The following CNTNAP2 variants were observed in gnomAD, a reference collection of about 807,000 sequenced individuals.
The protein encoded by CNTNAP2 is contactin-associated protein-like 2.
Under a neutral mutation model 155.2 loss-of-function variants are expected in CNTNAP2, and 98 were observed. That is an observed-to-expected ratio of 0.63 (90% CI 0.54 to 0.75). The LOEUF is 0.75. CNTNAP2 is among the 30% of genes least tolerant of loss of function. CNTNAP2 has a pLI of 0.00. For missense variants in CNTNAP2, 1,727 were observed against 1,688.1 expected, an observed-to-expected ratio of 1.02 and a Z score of -0.40; for synonymous variants, 651 against 631.2, an observed-to-expected ratio of 1.03 and a Z score of -0.47.
At chr7:146,437,325 C>G (rs1313129662) in intron 1 of CNTNAP2, among the ~76,000 whole-genome samples, 7 of 151,322 alleles carry the variant, frequency 4.6e-5, no homozygotes, top group African/African-American at 7.4e-5. Flanking sequence ...TTCTAAACGA[C>G]AAAACTACTA....
intron 1 of CNTNAP2, among the ~76,000 whole-genome samples, chr7:146,686,452 C>T (rs1279931168): frequency 6.6e-5 from 10 of 152,004 alleles, no homozygotes; most frequent in African/African-American, 2.4e-4. Context: ...CTCCAGTTAC[C>T]AACAAATATT....
chr7:148,181,519 A>G (rs1795037541), intron 18 of CNTNAP2, among the ~76,000 whole-genome samples: 1 of 152,138 alleles, frequency 6.6e-6, no homozygotes, highest in South Asian at 2.1e-4. Context: ...TTGTTATAGA[A>G]TTTTGTGGTG....
At chr7:146,716,382 C>CAAAA (rs1563201029) in intron 1 of CNTNAP2, among the ~76,000 whole-genome samples, 2,466 of 151,860 alleles carry the variant, frequency 0.016, 71 homozygotes, top group African/African-American at 0.056. Context: ...TAAAAAAACT[C>CAAAA]AAAACAAAAC....
At chr7:147,225,032 T>C (rs1157581112) in intron 8 of CNTNAP2, among the ~76,000 whole-genome samples, 4 of 152,192 alleles carry the variant, frequency 2.6e-5, no homozygotes, top group Admixed American at 2.6e-4. Context: ...GCGTAGAACA[T>C]TTGATAAAGA....
At position 147,130,144 on chromosome 7, in the gene CNTNAP2, T is replaced by C. The variant is rs1286790577; in HGVS notation, c.1083+1308T>C. On this transcript the variant is annotated intron_variant, in intron 7 of 23. Coordinates refer to ENST00000361727, the MANE Select transcript of CNTNAP2 (RefSeq NM_014141.6). ...AAGATAGATGTATAGCCTGGTATAGTGGGTTGCTGCTGTAATCCCAACACT... is the reference window on the plus strand; with the variant it reads ...AAGATAGATGTATAGCCTGGTATAGCGGGTTGCTGCTGTAATCCCAACACT... 2.6e-5 allele frequency among the ~76,000 whole-genome samples: 4 copies of C among 152,110 alleles called. No homozygotes were observed. In the East Asian group the frequency reaches 7.7e-4, roughly 29 times the overall value.
At chr7:146,782,721 C>T (rs191589124) in intron 2 of CNTNAP2, among the ~76,000 whole-genome samples, 113 of 152,184 alleles carry the variant, frequency 7.4e-4, no homozygotes, top group African/African-American at 2.6e-3. Flanking sequence ...AAAATAAAAT[C>T]AGTTATACTG....
chr7:147,771,915 T>C (rs1422485990), intron 13 of CNTNAP2, among the ~76,000 whole-genome samples: 3 of 152,180 alleles, frequency 2.0e-5, no homozygotes, highest in East Asian at 3.8e-4. Flanking sequence ...ATATTTCTAA[T>C]TGAATAATTA....
chr7:146,469,979 A>G (rs952854673), intron 1 of CNTNAP2, among the ~76,000 whole-genome samples: 2 of 151,710 alleles, frequency 1.3e-5, no homozygotes, highest in African/African-American at 4.8e-5. Flanking sequence ...AGCTGGGACT[A>G]CAGGTGCCCA....
chr7:146,833,544 C>A (rs531946213), intron 2 of CNTNAP2, among the ~76,000 whole-genome samples: 1 of 152,148 alleles, frequency 6.6e-6, no homozygotes, highest in Non-Finnish European at 1.5e-5. Context: ...TGTCTAGTCA[C>A]CAAGCCAGTG....
intron 3 of CNTNAP2, among the ~76,000 whole-genome samples, chr7:146,980,879 T>C (rs1202071006): frequency 6.6e-6 from 1 of 152,224 alleles, no homozygotes; most frequent in Non-Finnish European, 1.5e-5. Context: ...GGCCTCACTC[T>C]ATTTTAGGGT....
intron 21 of CNTNAP2, among the ~76,000 whole-genome samples, chr7:148,356,471 G>A (rs1464180337): frequency 6.6e-6 from 1 of 152,198 alleles, no homozygotes; most frequent in East Asian, 1.9e-4. Flanking sequence ...GTGGAAAGCC[G>A]TGGCTCCTGC....
intron 4 of CNTNAP2, among the ~76,000 whole-genome samples, chr7:147,078,914 T>G (rs2129267678): frequency 6.6e-6 from 1 of 152,016 alleles, no homozygotes; most frequent in South Asian, 2.1e-4. Context: ...CATGCCCAGC[T>G]AATTTTTTTT....
Position 148,366,092 on chromosome 7 carries a change from ATGTATG to A in CNTNAP2, c.3476-17550_3476-17545del, listed in dbSNP as rs1798761580. Among the ~76,000 whole-genome samples, 4 of 18,248 alleles carry A rather than the reference ATGTATG, an allele frequency of 2.2e-4. 2 individuals are homozygous for A. The highest frequency in any genetic ancestry group is 4.6e-4 in the African/African-American group (4 of 8,746). 12.0% of individuals were successfully genotyped at this position (18,248 alleles called of 152,430 possible). A position where few individuals can be genotyped will look rare whatever the true frequency, so the allele number is the denominator to read the frequency against. ...TGCATGTATGTGTGTGCATGTATAC[ATGTATG>A]TGTATGCATGTATGCATGTATGTGT... is the stretch of plus-strand genomic sequence containing the variant. On this transcript the variant is annotated intron_variant, in intron 21 of 23. Coordinates refer to ENST00000361727, the MANE Select transcript of CNTNAP2 (RefSeq NM_014141.6).
At chr7:146,831,263 T>C (rs1273913909) in intron 2 of CNTNAP2, among the ~76,000 whole-genome samples, 2 of 152,162 alleles carry the variant, frequency 1.3e-5, no homozygotes, top group Non-Finnish European at 2.9e-5. Flanking sequence ...TTATGGTTTT[T>C]AGTTTTTGAC....
Position 147,765,668 on chromosome 7 carries a change from A to G in CNTNAP2, c.2098+126362A>G, listed in dbSNP as rs541325817. Among the ~76,000 whole-genome samples the G allele has an allele frequency of 1.6e-3, 251 of 152,250 alleles. 1 individual carries two copies. Among genetic ancestry groups the G allele is most frequent in the African/African-American group, 5.7e-3 (238 of 41,552 alleles). On this transcript the variant is annotated intron_variant, in intron 13 of 23. Coordinates refer to ENST00000361727, the MANE Select transcript of CNTNAP2 (RefSeq NM_014141.6). The stretch of plus-strand genomic sequence containing the variant: ...TGAACACTTTGAGAAACCATTTATG[A>G]TTGCGTATAAAGTAAAAAAAACATG...
At chr7:147,557,046 C>T (rs1290812432) in intron 11 of CNTNAP2, among the ~76,000 whole-genome samples, 1 of 150,446 alleles carries the variant, frequency 6.6e-6, no homozygotes, top group Non-Finnish European at 1.5e-5. Context: ...CTGAGGCAGG[C>T]GGGGGTCAGG....
intron 9 of CNTNAP2, among the ~76,000 whole-genome samples, chr7:147,355,770 A>C (rs866169445): frequency 6.6e-6 from 1 of 152,128 alleles, no homozygotes; most frequent in African/African-American, 2.4e-5. Context: ...GACCAATAAC[A>C]AGTTCTGAAA....
intron 10 of CNTNAP2, among the ~76,000 whole-genome samples, chr7:147,403,471 A>T (rs1036692460): frequency 1.3e-5 from 2 of 152,184 alleles, no homozygotes; most frequent in African/African-American, 2.4e-5. Context: ...CTTAGGGTTG[A>T]GATTTATTCA....
intron 1 of CNTNAP2, among the ~76,000 whole-genome samples, chr7:146,253,646 G>T (rs113345002): frequency 2.0e-5 from 3 of 152,114 alleles, no homozygotes; most frequent in Non-Finnish European, 2.9e-5. Flanking sequence ...CAGAGAGATG[G>T]ATCTATTGGA....
Sources: allele counts gnomAD v4.1 joint callset (sites outside exome capture counted in the v4.1 genomes callset), GRCh38; gene constraint gnomAD v4.1.1; transcripts MANE v1.5; gene names NCBI Gene and HGNC (gene_info 2026-07-23, HGNC 2026-07-21).